TSHR: variants seen among roughly 807,000 people sequenced by gnomAD.
The protein encoded by TSHR is thyrotropin receptor.
A neutral mutation model predicts 64.1 loss-of-function variants in TSHR; 51 were observed. The observed-to-expected ratio is 0.80, with a 90% CI of 0.64 to 1.01. The LOEUF is 1.01. Among genes scored for constraint, TSHR ranks in the 50% least tolerant of loss-of-function variants. The pLI is 0.00. For synonymous variants in TSHR, 361 were observed against 361.9 expected (o/e 1.00, Z 0.03); for missense variants, 877 against 942.8 (o/e 0.93, Z 0.91).
At chr14:81,009,904 A>G (rs1207155181) in intron 1 of TSHR, among the ~76,000 whole-genome samples, 1 of 152,040 alleles carries the variant, frequency 6.6e-6, no homozygotes, top group Non-Finnish European at 1.5e-5. Flanking sequence ...CTAGATGAGG[A>G]CTTGTTGGGT....
In TSHR at chr14:80,983,374, C is replaced by A. The variant is rs145706753; in HGVS notation, c.170+27524C>A. The A allele has an allele frequency of 6.2e-4, 683 of 1,110,422 alleles. 1 individual carries two copies. In the African/African-American group the frequency reaches 9.3e-3, roughly 15 times the overall value. The allele number at this position is 1,110,422 out of a possible 1,614,324, so 68.8% of individuals were successfully genotyped here. A position where few individuals can be genotyped will look rare whatever the true frequency, so the allele number is the denominator to read the frequency against. ...TTGCCATCCTTGAGAAAGTACAAAA[C>A]CAGACATCTTGTTTTGAAAGTAATT... is the stretch of plus-strand genomic sequence containing the variant. On this transcript the variant is annotated intron_variant, in intron 1 of 9. Transcript: ENST00000298171.
intron 1 of TSHR, among the ~76,000 whole-genome samples, chr14:80,963,609 A>T (rs1887151041): frequency 6.6e-6 from 1 of 152,354 alleles, no homozygotes; most frequent in East Asian, 1.9e-4. Context: ...GGACAAAAGG[A>T]TATGATCGAA....
intron 9 of TSHR, among the ~76,000 whole-genome samples, chr14:81,142,013 ACTTCATGGGCCTAC>A (rs1220040173): frequency 2.0e-5 from 3 of 152,042 alleles, no homozygotes; most frequent in African/African-American, 7.2e-5. Context: ...AGTTAACCAA[ACTTCATGGGCCTAC>A]CCAAGCTAGT....
rs1891914889 is a variant in TSHR at position 81,146,015 on chromosome 14, C to G, written c.*1662C>G. ...CACAGCCATACCCACTCATCACTAT[C>G]ATTGAGACCTGCACATCTTAATAGA... On this transcript the variant is annotated 3_prime_UTR_variant, in exon 10 of 10. Coordinates refer to ENST00000298171, the MANE Select transcript of TSHR (RefSeq NM_000369.5). 1 of 231,758 alleles carries G rather than the reference C, an allele frequency of 4.3e-6. No individual in the cohort carries two copies. Among genetic ancestry groups the G allele is most frequent in the South Asian group, 1.8e-4 (1 of 5,518 alleles). 14.4% of individuals were successfully genotyped at this position (231,758 alleles called of 1,614,324 possible).
rs1341280166 is a variant in TSHR at position 81,107,394 on chromosome 14, T to A, written c.615-981T>A. On this transcript the variant is annotated intron_variant, in intron 7 of 9. Transcript: ENST00000298171. ...TGGACCAGGTTATGTTGTGAGTTAT[T>A]CTAAATGTGTAAATTGGGAGCATTT... is the stretch of plus-strand genomic sequence containing the variant. Among the ~76,000 whole-genome samples the A allele has an allele frequency of 2.0e-5, 3 of 152,190 alleles. No homozygotes were observed. The East Asian group carries it at 5.8e-4, about 29-fold the overall frequency.
intron 1 of TSHR, among the ~76,000 whole-genome samples, chr14:81,020,326 G>C (rs1199180847): frequency 6.6e-6 from 1 of 152,200 alleles, no homozygotes; most frequent in Non-Finnish European, 1.5e-5. Context: ...TGGTCTGTTA[G>C]AAACCAGGCC....
chr14:81,111,092 TA>T (rs1890206048), intron 8 of TSHR, among the ~76,000 whole-genome samples: 1 of 152,228 alleles, frequency 6.6e-6, no homozygotes. Flanking sequence ...CATACTCAGA[TA>T]TTTTTTACTT....
chr14:80,958,748 G>A (rs1004659552), intron 1 of TSHR, among the ~76,000 whole-genome samples: 12 of 152,040 alleles, frequency 7.9e-5, no homozygotes, highest in African/African-American at 2.9e-4. Flanking sequence ...TTAAAAAGCC[G>A]TTCTGGGTGG....
chr14:81,089,410 T>C (rs1174186833), intron 4 of TSHR, among the ~76,000 whole-genome samples: 1 of 152,214 alleles, frequency 6.6e-6, no homozygotes, highest in African/African-American at 2.4e-5. Context: ...ACAATCACTC[T>C]TCTTATGGAC....
At chr14:81,124,454 A>C (rs1283709032) in intron 8 of TSHR, among the ~76,000 whole-genome samples, 2 of 152,150 alleles carry the variant, frequency 1.3e-5, no homozygotes, top group Non-Finnish European at 2.9e-5. Flanking sequence ...TAGCCTGATT[A>C]AGACTTGGAA....
chr14:81,004,295 T>C (rs548254534), intron 1 of TSHR, among the ~76,000 whole-genome samples: 1 of 152,282 alleles, frequency 6.6e-6, no homozygotes, highest in African/African-American at 2.4e-5. Flanking sequence ...AAGAAAATGC[T>C]CCCAAGAAGG....
At chr14:81,054,933 G>T (rs377516840) in intron 1 of TSHR, among the ~76,000 whole-genome samples, 37 of 152,260 alleles carry the variant, frequency 2.4e-4, no homozygotes, top group African/African-American at 7.9e-4. Context: ...AATTGCATAA[G>T]TAATGAGGAG....
intron 9 of TSHR, among the ~76,000 whole-genome samples, chr14:81,140,443 T>G (rs1891638469): frequency 6.6e-6 from 1 of 152,164 alleles, no homozygotes; most frequent in African/African-American, 2.4e-5. Context: ...CTAACATTCA[T>G]AGCAGTTTTG....
chr14:81,091,524 GT>G (rs1566807808), intron 5 of TSHR, among the ~76,000 whole-genome samples: 1 of 152,174 alleles, frequency 6.6e-6, no homozygotes, highest in Non-Finnish European at 1.5e-5. Flanking sequence ...TTGTTTGTGT[GT>G]TTTTGTTTTT....
In TSHR at chr14:80,955,774, C is replaced by T. The variant is rs769881177; in HGVS notation, c.94C>T (p.His32Tyr). Residue 32 changes from histidine (H) to tyrosine (Y), a missense_variant, in exon 1 of 10, where the codon CAT becomes TAT. Coordinates refer to ENST00000298171, the MANE Select transcript of TSHR (RefSeq NM_000369.5). ...MGCSSPPCEC[H>Y]QEEDFRVTCK... Reference sequence around the variant, plus strand: ...GTGTTCGTCTCCACCCTGCGAGTGCCATCAGGAGGAGGACTTCAGAGTCAC... The same window carrying T: ...GTGTTCGTCTCCACCCTGCGAGTGCTATCAGGAGGAGGACTTCAGAGTCAC... 4.3e-6 allele frequency: 7 copies of T among 1,614,076 alleles called. No individual in the cohort carries two copies. In the East Asian group the frequency reaches 1.3e-4, roughly 31 times the overall value.
chr14:81,021,845 G>C (rs1403902021), intron 1 of TSHR, among the ~76,000 whole-genome samples: 1 of 152,142 alleles, frequency 6.6e-6, no homozygotes, highest in Non-Finnish European at 1.5e-5. Flanking sequence ...ATATGTGGCT[G>C]CACTTTCAGT....
chr14:81,140,455 G>A (rs1355263396), intron 9 of TSHR, among the ~76,000 whole-genome samples: 1 of 152,136 alleles, frequency 6.6e-6, no homozygotes, highest in African/African-American at 2.4e-5. Flanking sequence ...GCAGTTTTGA[G>A]AAGATTAAAT....
At chr14:81,104,252 C>A in intron 7 of TSHR, 1 of 985,412 alleles carries the variant, frequency 1.0e-6, no homozygotes, top group Non-Finnish European at 1.2e-6. Flanking sequence ...GAGAGGTAGG[C>A]AGGGGGTCCC....
intron 3 of TSHR, among the ~76,000 whole-genome samples, chr14:81,078,251 A>T (rs1405289299): frequency 1.3e-5 from 2 of 152,186 alleles, no homozygotes; most frequent in African/African-American, 4.8e-5. Context: ...TTTACTGAAA[A>T]TATATTTTAC....
Sources: allele counts gnomAD v4.1 joint callset (sites outside exome capture counted in the v4.1 genomes callset), GRCh38; gene constraint gnomAD v4.1.1; transcripts MANE v1.5; gene names NCBI Gene and HGNC (gene_info 2026-07-23, HGNC 2026-07-21).